F10: variants seen among roughly 807,000 people sequenced by gnomAD.
The protein encoded by F10 is Stuart-Prower factor.
Under a neutral mutation model 37.1 loss-of-function variants are expected in F10, and 29 were observed. That is an observed-to-expected ratio of 0.78 (90% CI 0.58 to 1.07). The LOEUF (loss-of-function observed/expected upper bound fraction) is 1.07. F10 is among the 50% of genes least tolerant of loss of function. The pLI is 0.00. For missense variants in F10, 539 were observed against 667.9 expected, an observed-to-expected ratio of 0.81 and a Z score of 2.13; for synonymous variants, 262 against 268.6, an observed-to-expected ratio of 0.98 and a Z score of 0.24.
Position 113,148,969 on chromosome 13 carries a change from G to A in F10, c.919G>A (p.Val307Met). Reference sequence around the variant, plus strand: ...CGGTGAGGCGGTGCACGAGGTGGAGGTGGTCATCAAGCACAACCGGTTCAC... The same window carrying A: ...CGGTGAGGCGGTGCACGAGGTGGAGATGGTCATCAAGCACAACCGGTTCAC... ...EGGEAVHEVE[V>M]VIKHNRFTKE... Residue 307 changes from valine to methionine, a missense_variant, in exon 8 of 8, where the codon GTG becomes ATG. By Grantham distance (21) the Val-to-Met change is conservative (BLOSUM62 1). Transcript: ENST00000375559. The A allele has an allele frequency of 6.2e-7, 1 of 1,613,508 alleles. No homozygotes were observed. The highest frequency in any genetic ancestry group is 8.5e-7 in the Non-Finnish European group (1 of 1,180,016).
intron 1 of F10, 34 bp downstream of exon 1, chr13:113,122,959 G>A (rs773904083): frequency 1.9e-6 from 3 of 1,604,374 alleles, no homozygotes; most frequent in Non-Finnish European, 2.5e-6. Context: ...CCCAAAAGCA[G>A]CGCCAGGGAG....
chr13:113,137,508 AAAGT>A (rs1476568678), intron 2 of F10, among the ~76,000 whole-genome samples: 2 of 152,212 alleles, frequency 1.3e-5, no homozygotes, highest in Non-Finnish European at 2.9e-5. Context: ...TAAAAGTAAA[AAAGT>A]AAGAAGATAG....
In F10 at chr13:113,149,062, G is replaced by T; in HGVS notation, c.1012G>T (p.Val338Leu). ...LKTPITFRMN[V>L]APACLPERDW... Reference sequence around the variant, plus strand: ...GACCCCCATCACCTTCCGCATGAACGTGGCGCCTGCCTGCCTCCCCGAGCG... The same window carrying T: ...GACCCCCATCACCTTCCGCATGAACTTGGCGCCTGCCTGCCTCCCCGAGCG... Residue 338 changes from valine to leucine, a missense_variant, in exon 8 of 8, where the codon GTG becomes TTG. By Grantham distance (32) the Val-to-Leu change is conservative. Transcript: ENST00000375559. The surrounding 1 kb of genome is among the most constrained non-coding windows in gnomAD (Gnocchi z 7.5). 1.2e-6 allele frequency: 2 copies of T among 1,613,336 alleles called. No individual in the cohort carries two copies. Among genetic ancestry groups the T allele is most frequent in the Non-Finnish European group, 8.5e-7 (1 of 1,180,016 alleles).
intron 1 of F10, among the ~76,000 whole-genome samples, chr13:113,126,471 C>G (rs1299111650): frequency 6.6e-6 from 1 of 152,106 alleles, no homozygotes; most frequent in Non-Finnish European, 1.5e-5. Flanking sequence ...CACAGAACAG[C>G]GAGTTCCTCT....
In F10 at chr13:113,140,283, G is replaced by A. The variant is rs184024243; in HGVS notation, c.371-636G>A. Among the ~76,000 whole-genome samples, 51 of 151,384 alleles carry A rather than the reference G, an allele frequency of 3.4e-4. No homozygotes were observed. In the East Asian group the frequency reaches 8.4e-3, roughly 25 times the overall value. The stretch of plus-strand genomic sequence containing the variant: ...TTTTTAGTGGAGACGGGGTTTCACC[G>A]TGTTAGCCAGGATGGTCTCGATCTC... On this transcript the variant is annotated intron_variant, in intron 4 of 7. Transcript: ENST00000375559.
At chr13:113,138,228 T>G (rs920033916) in intron 2 of F10, among the ~76,000 whole-genome samples, 1 of 152,204 alleles carries the variant, frequency 6.6e-6, no homozygotes, top group Non-Finnish European at 1.5e-5. Context: ...TTTTCAATAT[T>G]CAACAAAGAT....
In F10 at chr13:113,144,278, G is replaced by A. The variant is rs555198526; in HGVS notation, c.747+183G>A. 6 of 894,806 alleles carry A rather than the reference G, an allele frequency of 6.7e-6. No individual in the cohort carries two copies. The highest frequency in any genetic ancestry group is 1.0e-5 in the Non-Finnish European group (6 of 584,004). The allele number at this position is 894,806 out of a possible 1,614,324, so 55.4% of individuals were successfully genotyped here. On this transcript the variant is annotated intron_variant, in intron 6 of 7. Transcript: ENST00000375559. This position sits in a 1 kb window ranked among gnomAD's most constrained non-coding sequence, Gnocchi z 6.4. ...CTCCCTCCGGGCAGCCAAGGAGGCTGTGAGCTCCACAGGGAAGTGGCCGGG... is the reference window on the plus strand; with the variant it reads ...CTCCCTCCGGGCAGCCAAGGAGGCTATGAGCTCCACAGGGAAGTGGCCGGG...
intron 7 of F10, 139 bp from the exon 8 acceptor site, chr13:113,148,777 C>T: frequency 7.0e-7 from 1 of 1,419,434 alleles, no homozygotes. Context: ...TTTGCACTTC[C>T]CTCTATTTTT....
intron 6 of F10, among the ~76,000 whole-genome samples, chr13:113,145,828 T>C (rs1478387315): frequency 6.6e-6 from 1 of 152,200 alleles, no homozygotes; most frequent in Non-Finnish European, 1.5e-5. Flanking sequence ...GAAACCGCCC[T>C]CACGATTCAG....
chr13:113,141,452 C>G lies in F10; in HGVS notation c.502+402C>G, dbSNP rs2036526972. Among the ~76,000 whole-genome samples, 2 of 152,210 alleles carry G rather than the reference C, an allele frequency of 1.3e-5. No homozygotes were observed. Among genetic ancestry groups the G allele is most frequent in the East Asian group, 1.9e-4 (1 of 5,194 alleles). ...GCACCAGGGCAGGCAAAGGGCAGAGCTGGCCCGAGGAACTGGAGCTAAGGT... is the reference window on the plus strand; with the variant it reads ...GCACCAGGGCAGGCAAAGGGCAGAGGTGGCCCGAGGAACTGGAGCTAAGGT... On this transcript the variant is annotated intron_variant, in intron 5 of 7. Coordinates refer to ENST00000375559, the MANE Select transcript of F10 (RefSeq NM_000504.4). The surrounding 1 kb of genome is among the most constrained non-coding windows in gnomAD (Gnocchi z 5.4).
At chr13:113,137,886 A>C (rs1214015525) in intron 2 of F10, among the ~76,000 whole-genome samples, 2 of 152,196 alleles carry the variant, frequency 1.3e-5, no homozygotes, top group Non-Finnish European at 2.9e-5. Flanking sequence ...TAACATCTGC[A>C]AAGACCCGAT....
intron 2 of F10, among the ~76,000 whole-genome samples, chr13:113,135,567 G>A (rs535605633): frequency 1.5e-4 from 23 of 152,204 alleles, no homozygotes; most frequent in Admixed American, 3.3e-4. Flanking sequence ...CACAAGGGCA[G>A]AGCCTTCATG....
chr13:113,134,056 T>A (rs2036457209), intron 2 of F10, among the ~76,000 whole-genome samples: 1 of 151,960 alleles, frequency 6.6e-6, no homozygotes, highest in African/African-American at 2.4e-5. Context: ...CTACAAAGAG[T>A]CTACAGTTGA....
At chr13:113,148,798 A>T in intron 7 of F10, 118 bp from the exon 8 acceptor site, 1 of 1,495,660 alleles carries the variant, frequency 6.7e-7, no homozygotes, top group East Asian at 2.3e-5. Flanking sequence ...CAAATTTTCA[A>T]AAGTGATCAC....
intron 5 of F10, among the ~76,000 whole-genome samples, chr13:113,142,385 CAAA>C (rs58893351): frequency 2.8e-5 from 4 of 140,724 alleles, no homozygotes; most frequent in Admixed American, 7.0e-5. Context: ...AGTAAAAATA[CAAA>C]AAAAAAAAAA....
Position 113,126,820 on chromosome 13 carries a change from C to T in F10, c.71-2632C>T, listed in dbSNP as rs186479833. On this transcript the variant is annotated intron_variant, in intron 1 of 7. Transcript: ENST00000375559. ...AACTTGTCTGAGGCTGTGGTCATCCCAACATGAGAGCCAGAGGCCCCAAGG... is the reference window on the plus strand; with the variant it reads ...AACTTGTCTGAGGCTGTGGTCATCCTAACATGAGAGCCAGAGGCCCCAAGG... Among the ~76,000 whole-genome samples the T allele has an allele frequency of 2.4e-3, 360 of 152,276 alleles. 2 individuals carry two copies. Among genetic ancestry groups the T allele is most frequent in the African/African-American group, 8.2e-3 (342 of 41,546 alleles).
rs564479219 is a variant in F10 at position 113,123,035 on chromosome 13, G to A, written c.70+110G>A. On this transcript the variant is annotated intron_variant, in intron 1 of 7. Coordinates refer to ENST00000375559, the MANE Select transcript of F10 (RefSeq NM_000504.4). Reference sequence around the variant, plus strand: ...AGCCTGGACGGTGGGTGCCTTGAGTGCTGCCAGAGGCTGGGCTCGGATGGC... The same window carrying A: ...AGCCTGGACGGTGGGTGCCTTGAGTACTGCCAGAGGCTGGGCTCGGATGGC... 5 of 1,267,862 alleles carry A rather than the reference G, an allele frequency of 3.9e-6. No individual in the cohort carries two copies. The South Asian group carries it at 5.1e-5, about 13-fold the overall frequency. 78.5% of individuals were successfully genotyped at this position (1,267,862 alleles called of 1,614,324 possible).
At chr13:113,137,881 T>C (rs1262069717) in intron 2 of F10, among the ~76,000 whole-genome samples, 1 of 152,206 alleles carries the variant, frequency 6.6e-6, no homozygotes, top group African/African-American at 2.4e-5. Context: ...TTAGTTAACA[T>C]CTGCAAAGAC....
chr13:113,129,493 G>C lies in F10; in HGVS notation c.112G>C (p.Val38Leu), dbSNP rs1387742699. 12 of 1,614,094 alleles carry C rather than the reference G, an allele frequency of 7.4e-6. No homozygotes were observed. The highest frequency in any genetic ancestry group is 1.0e-5 in the Non-Finnish European group (12 of 1,180,020). The change falls in exon 2 of 8, where the codon GTC becomes CTC. Residue 38 changes from valine (V) to leucine (L), a missense_variant. Around this residue, in one of 2 missense-constraint regions of F10, gnomAD observed 130 missense variants for 120.0 expected, o/e 1.08. Transcript: ENST00000375559. ...REQANNILAR[V>L]TRANSFLEEM... ...GCAGGCCAACAACATCCTGGCGAGG[G>C]TCACGAGGGCCAATTCCTTTCTTGA... is the stretch of plus-strand genomic sequence containing the variant.
Sources: allele counts gnomAD v4.1 joint callset (sites outside exome capture counted in the v4.1 genomes callset), GRCh38; gene constraint gnomAD v4.1.1; regional missense constraint gnomAD v4.1.1; non-coding constraint Gnocchi (gnomAD v3.1); transcripts MANE v1.5; gene names NCBI Gene and HGNC (gene_info 2026-07-23, HGNC 2026-07-21).